The following DLG2 variants were observed in gnomAD, a reference collection of about 807,000 sequenced individuals.
DLG2 encodes the protein disks large homolog 2.
Under a neutral mutation model 132.5 loss-of-function variants are expected in DLG2, and 45 were observed. That is an observed-to-expected ratio of 0.34 (90% CI 0.27 to 0.44). DLG2 has a LOEUF of 0.44. Ranked by LOEUF, DLG2 falls within the 20% of genes least tolerant of loss-of-function variation. The pLI, the probability that DLG2 is intolerant of heterozygous loss-of-function variation, is 1.00. For missense variants in DLG2, 1,045 were observed against 1,196.9 expected (o/e 0.87, Z 1.87); for synonymous variants, 424 against 419.6 (o/e 1.01, Z -0.13).
chr11:85,019,719 T>C (rs1329520874), intron 6 of DLG2, among the ~76,000 whole-genome samples: 2 of 152,116 alleles, frequency 1.3e-5, no homozygotes, highest in Non-Finnish European at 2.9e-5. Flanking sequence ...ACATGCGGTG[T>C]TTGGTTTTCT....
At chr11:83,742,210 AACACACACACACACACAC>A (rs67195725) in intron 18 of DLG2, among the ~76,000 whole-genome samples, 1 of 147,006 alleles carries the variant, frequency 6.8e-6, no homozygotes, top group Admixed American at 6.8e-5. Context: ...CCACACTTTT[AACACACACACACACACAC>A]ACACACACAC....
intron 11 of DLG2, among the ~76,000 whole-genome samples, chr11:83,983,043 T>C (rs2092934590): frequency 6.6e-6 from 1 of 152,130 alleles, no homozygotes; most frequent in South Asian, 2.1e-4. Context: ...ATAACAATGA[T>C]GACATTGTCT....
chr11:84,759,517 T>A (rs1299655304), intron 6 of DLG2, among the ~76,000 whole-genome samples: 1 of 152,236 alleles, frequency 6.6e-6, no homozygotes, highest in Non-Finnish European at 1.5e-5. Flanking sequence ...CTTGAGCGTT[T>A]ATGATAATCT....
chr11:85,485,637 C>G (rs2153097629), intron 3 of DLG2, among the ~76,000 whole-genome samples: 1 of 152,276 alleles, frequency 6.6e-6, no homozygotes, highest in South Asian at 2.1e-4. Flanking sequence ...CTCCTGGATG[C>G]AGGGAAAGGG....
intron 18 of DLG2, among the ~76,000 whole-genome samples, chr11:83,694,732 TAAATA>T (rs2081583933): frequency 7.4e-6 from 1 of 135,238 alleles, no homozygotes; most frequent in Admixed American, 6.8e-5. Flanking sequence ...GCGTCATAAA[TAAATA>T]AAACAAATGA....
intron 6 of DLG2, among the ~76,000 whole-genome samples, chr11:84,598,120 C>T (rs1565412909): frequency 2.0e-5 from 3 of 152,120 alleles, no homozygotes; most frequent in Admixed American, 6.6e-5. Flanking sequence ...GAGTACTGTA[C>T]CTAAATTCAC....
intron 6 of DLG2, among the ~76,000 whole-genome samples, chr11:84,732,575 T>C (rs2063287342): frequency 6.6e-6 from 1 of 151,922 alleles, no homozygotes; most frequent in South Asian, 2.1e-4. Flanking sequence ...AAAGTATCAA[T>C]TCAAATCTTT....
intron 10 of DLG2, among the ~76,000 whole-genome samples, chr11:84,082,481 T>A (rs552694570): frequency 3.9e-5 from 6 of 152,204 alleles, no homozygotes; most frequent in Non-Finnish European, 8.8e-5. Flanking sequence ...CACTATCTTT[T>A]TAGATGGGTT....
chr11:85,372,728 C>T (rs2085086553), intron 3 of DLG2, among the ~76,000 whole-genome samples: 1 of 152,234 alleles, frequency 6.6e-6, no homozygotes, highest in Non-Finnish European at 1.5e-5. Context: ...GCCCTCTCTG[C>T]TTCATGGGTA....
At chr11:85,254,045 C>T (rs2076539382) in intron 4 of DLG2, among the ~76,000 whole-genome samples, 1 of 152,158 alleles carries the variant, frequency 6.6e-6, no homozygotes, top group African/African-American at 2.4e-5. Context: ...GAAAAGGCAA[C>T]ATTCGGGCAG....
At chr11:85,397,098 G>T (rs141164861) in intron 3 of DLG2, among the ~76,000 whole-genome samples, 5,326 of 152,310 alleles carry the variant, frequency 0.035, 144 homozygotes, top group Admixed American at 0.049. Flanking sequence ...AACCCTACAA[G>T]CCAGAAGAGA....
At chr11:83,493,925 T>C (rs1418942667) in intron 21 of DLG2, among the ~76,000 whole-genome samples, 3 of 152,152 alleles carry the variant, frequency 2.0e-5, no homozygotes, top group Non-Finnish European at 4.4e-5. Context: ...ACAAATAATA[T>C]TCAATCTAAA....
intron 21 of DLG2, chr11:83,486,288 T>C (rs757413799): frequency 1.5e-6 from 1 of 683,048 alleles, no homozygotes; most frequent in South Asian, 1.6e-5. Flanking sequence ...TAAGAATTAA[T>C]GGCATGTGAT....
intron 4 of DLG2, among the ~76,000 whole-genome samples, chr11:85,173,349 C>T (rs1333165125): frequency 6.6e-6 from 1 of 152,094 alleles, no homozygotes; most frequent in Non-Finnish European, 1.5e-5. Context: ...ATTTCCAACC[C>T]AGAATTTCAT....
At chr11:84,413,066 C>T (rs2098915435) in intron 7 of DLG2, among the ~76,000 whole-genome samples, 2 of 152,132 alleles carry the variant, frequency 1.3e-5, no homozygotes, top group South Asian at 4.1e-4. Context: ...TGACACAATG[C>T]CTGACACTGA....
At chr11:85,039,250 A>AATTC (rs2154148394) in intron 6 of DLG2, among the ~76,000 whole-genome samples, 1 of 104,924 alleles carries the variant, frequency 9.5e-6, no homozygotes, top group African/African-American at 4.0e-5. Context: ...AGAGACATTC[A>AATTC]GTCTCTAAAC....
At chr11:83,812,023 T>C (rs770063673) in intron 17 of DLG2, among the ~76,000 whole-genome samples, 1 of 152,068 alleles carries the variant, frequency 6.6e-6, no homozygotes, top group Non-Finnish European at 1.5e-5. Flanking sequence ...GGTTCAGGTT[T>C]TCAAAACAAG....
intron 21 of DLG2, among the ~76,000 whole-genome samples, chr11:83,520,981 T>C (rs996814594): frequency 3.3e-5 from 5 of 152,310 alleles, no homozygotes; most frequent in East Asian, 1.9e-4. Context: ...GACTGCCAAC[T>C]TCAAAGGAAA....
Position 85,019,878 on chromosome 11 carries a change from T to C in DLG2, c.357+91783A>G, listed in dbSNP as rs1238049171. 4.6e-5 allele frequency among the ~76,000 whole-genome samples: 7 copies of C among 152,294 alleles called. No individual in the cohort carries two copies. The East Asian group carries it at 1.4e-3, about 29-fold the overall frequency. On this transcript the variant is annotated intron_variant, in intron 6 of 27. Transcript: ENST00000376104. ...AATCCAGTCTCTCATTGATGGACAT[T>C]TGGGTTGGTTCCAGTTCTTTGCTAT...
Sources: allele counts gnomAD v4.1 joint callset (sites outside exome capture counted in the v4.1 genomes callset), GRCh38; gene constraint gnomAD v4.1.1; transcripts MANE v1.5; gene names NCBI Gene and HGNC (gene_info 2026-07-23, HGNC 2026-07-21).